DENND2B: variants seen among roughly 807,000 people sequenced by gnomAD.
The protein encoded by DENND2B is DENN domain containing 2B, also known as DENN domain-containing protein 2B.
A neutral mutation model predicts 116.0 loss-of-function variants in DENND2B; 32 were observed. That is an observed-to-expected ratio of 0.28 (90% CI 0.21 to 0.37). The LOEUF (loss-of-function observed/expected upper bound fraction) is 0.37. DENND2B is among the 10% of genes least tolerant of loss of function. The probability of loss-of-function intolerance (pLI) is 1.00; values close to 1 mark genes in which losing one functional copy is unlikely to be tolerated. For synonymous variants in DENND2B, 588 were observed against 583.9 expected (o/e 1.01, Z -0.10); for missense variants, 1,276 against 1,477.7 (o/e 0.86, Z 2.24).
intron 1 of DENND2B, among the ~76,000 whole-genome samples, chr11:8,884,431 A>G (rs540118268): frequency 3.3e-5 from 5 of 152,250 alleles, no homozygotes; most frequent in African/African-American, 1.2e-4. Flanking sequence ...GGCTCAAGCA[A>G]TCTTCCCACC....
chr11:8,822,900 C>T (rs1438063350), intron 4 of DENND2B, among the ~76,000 whole-genome samples: 1 of 152,120 alleles, frequency 6.6e-6, no homozygotes, highest in African/African-American at 2.4e-5. Flanking sequence ...ATAGGCAAAA[C>T]TCCAGAAAAG....
At position 8,745,722 on chromosome 11, in the gene DENND2B, C is replaced by T. The variant is rs2051116742; in HGVS notation, c.80+4899G>A. On this transcript the variant is annotated intron_variant, in intron 2 of 19. Transcript: ENST00000313726. Reference sequence around the variant, plus strand: ...AAATGCCACGCATTTTTGCCTTGTTCTCTTGGGATTCTTACTCTTGGAACC... The same window carrying T: ...AAATGCCACGCATTTTTGCCTTGTTTTCTTGGGATTCTTACTCTTGGAACC... Among the ~76,000 whole-genome samples, 3 of 152,296 alleles carry T rather than the reference C, an allele frequency of 2.0e-5. No individual in the cohort carries two copies. In the South Asian group the frequency reaches 6.2e-4, roughly 32 times the overall value.
chr11:8,900,828 G>A (rs1370549237), intron 1 of DENND2B, among the ~76,000 whole-genome samples: 1 of 151,908 alleles, frequency 6.6e-6, no homozygotes, highest in Non-Finnish European at 1.5e-5. Context: ...AATTAGCCAG[G>A]CATAGTGGTG....
intron 1 of DENND2B, among the ~76,000 whole-genome samples, chr11:8,884,682 C>T (rs944534733): frequency 1.3e-5 from 2 of 152,174 alleles, no homozygotes; most frequent in Admixed American, 6.5e-5. Context: ...ACCAATTTCA[C>T]AAGATGAAGA....
At chr11:8,763,157 T>A (rs1392489631) in intron 1 of DENND2B, among the ~76,000 whole-genome samples, 1 of 152,078 alleles carries the variant, frequency 6.6e-6, no homozygotes, top group Non-Finnish European at 1.5e-5. Flanking sequence ...TTATTAGTCA[T>A]CAACAAAATG....
chr11:8,695,879 G>C (rs1317430652), intron 18 of DENND2B: 1 of 380,006 alleles, frequency 2.6e-6, no homozygotes, highest in Non-Finnish European at 4.8e-6. Flanking sequence ...GTTCCAAAAA[G>C]GTTGTTATAC....
rs1351255178 is a variant in DENND2B at position 8,696,749 on chromosome 11, C to G, written c.3053-83G>C. The G allele has an allele frequency of 2.6e-6, 4 of 1,555,804 alleles. No homozygotes were observed. In the Admixed American group the frequency reaches 5.6e-5, roughly 22 times the overall value. ...AATCTTCCTGGTGTAGTCTTCCTCT[C>G]CCCAACAAGACTTCCAGCCAGTACC... On this transcript the variant is annotated intron_variant, in intron 17 of 19. Transcript: ENST00000313726.
chr11:8,743,896 A>G (rs746504863), intron 2 of DENND2B, among the ~76,000 whole-genome samples: 8 of 151,332 alleles, frequency 5.3e-5, no homozygotes, highest in Non-Finnish European at 1.0e-4. Flanking sequence ...ACAGGTATGC[A>G]CTACCATGCC....
chr11:8,837,562 G>T (rs2062478038), intron 4 of DENND2B, among the ~76,000 whole-genome samples: 1 of 152,038 alleles, frequency 6.6e-6, no homozygotes, highest in South Asian at 2.1e-4. Flanking sequence ...TGGCCAGGCT[G>T]GTCTCGAACT....
At chr11:8,822,651 T>A (rs139924677) in intron 4 of DENND2B, among the ~76,000 whole-genome samples, 2 of 152,378 alleles carry the variant, frequency 1.3e-5, no homozygotes, top group East Asian at 1.9e-4. Flanking sequence ...ACCATCCCCA[T>A]GGCTTCTAAA....
chr11:8,757,711 A>C (rs1387463328), intron 1 of DENND2B, among the ~76,000 whole-genome samples: 3 of 152,216 alleles, frequency 2.0e-5, no homozygotes, highest in Non-Finnish European at 2.9e-5. Context: ...TCACAGGGTT[A>C]GTTACACTTT....
chr11:8,780,250 C>T (rs60812444), intron 1 of DENND2B, among the ~76,000 whole-genome samples: 9 of 152,156 alleles, frequency 5.9e-5, no homozygotes, highest in African/African-American at 2.2e-4. Context: ...GGAGCTTCCA[C>T]TCTGTAGGGT....
intron 1 of DENND2B, among the ~76,000 whole-genome samples, chr11:8,759,664 G>GT (rs1245905369): frequency 2.0e-5 from 3 of 152,240 alleles, no homozygotes; most frequent in Non-Finnish European, 4.4e-5. Flanking sequence ...CAGCAATACA[G>GT]TGACAGTATA....
At chr11:8,717,944 C>G (rs144526641) in intron 4 of DENND2B, 52 bp from the exon 5 acceptor site, 24,780 of 1,578,444 alleles carry the variant, frequency 0.016, 496 homozygotes, top group South Asian at 0.059. Flanking sequence ...AGGAAACACA[C>G]GAACTCACAC....
chr11:8,857,783 G>T (rs1157643456), intron 2 of DENND2B, among the ~76,000 whole-genome samples: 1 of 152,226 alleles, frequency 6.6e-6, no homozygotes, highest in African/African-American at 2.4e-5. Flanking sequence ...TCAACTGGTT[G>T]TGTGCCTTTG....
At chr11:8,726,432 T>TA in intron 3 of DENND2B, 1 of 475,898 alleles carries the variant, frequency 2.1e-6, no homozygotes, top group South Asian at 3.3e-5. Flanking sequence ...ATAATACCGC[T>TA]ATTAGATAAC....
At chr11:8,838,577 A>G (rs748497684) in intron 4 of DENND2B, among the ~76,000 whole-genome samples, 18 of 152,228 alleles carry the variant, frequency 1.2e-4, no homozygotes, top group Non-Finnish European at 2.2e-4. Context: ...CAGAGAGGAA[A>G]ACTGTGGGAG....
Position 8,712,764 on chromosome 11 carries a change from G to A in DENND2B, c.1988-29C>T, listed in dbSNP as rs763945928. On this transcript the variant is annotated intron_variant, in intron 8 of 19. Transcript: ENST00000313726. This position sits in a 1 kb window ranked among gnomAD's most constrained non-coding sequence, Gnocchi z 4.4. ...GAGGCAGGTTGCACATCAGGGAATG[G>A]ACCCTCACAGGCCTCATGTTAACTC... 6.9e-6 allele frequency: 11 copies of A among 1,593,308 alleles called. No individual in the cohort carries two copies. In the East Asian group the frequency reaches 2.5e-4, roughly 36 times the overall value.
At chr11:8,821,251 C>A (rs1361636728) in intron 4 of DENND2B, among the ~76,000 whole-genome samples, 1 of 151,670 alleles carries the variant, frequency 6.6e-6, no homozygotes, top group Non-Finnish European at 1.5e-5. Context: ...GGAAAACTTG[C>A]TTTTCACTGT....
Sources: gnomAD v4.1 joint callset for allele counts (sites outside exome capture counted in the v4.1 genomes callset) on GRCh38, gnomAD v4.1.1 for gene constraint, Gnocchi (gnomAD v3.1) non-coding constraint, MANE v1.5 for transcripts, NCBI Gene and HGNC (gene_info 2026-07-23, HGNC 2026-07-21) for gene names.